SYT14: variants seen among roughly 807,000 people sequenced by gnomAD.
SYT14 encodes synaptotagmin-14.
A neutral mutation model predicts 74.2 loss-of-function variants in SYT14; 32 were observed. The observed-to-expected ratio is 0.43, with a 90% confidence interval of 0.33 to 0.58. The LOEUF (loss-of-function observed/expected upper bound fraction) is 0.58, where lower values mean the gene tolerates loss of function less well. Among genes scored for constraint, SYT14 ranks in the 20% least tolerant of loss-of-function variants. The pLI, the probability that SYT14 is intolerant of heterozygous loss-of-function variation, is 0.05. For missense variants in SYT14, 791 were observed against 981.8 expected (o/e 0.81, Z 2.60); for synonymous variants, 298 against 337.7 (o/e 0.88, Z 1.29).
chr1:210,031,590 A>G lies in SYT14; in HGVS notation c.1312+10336A>G, dbSNP rs898519924. 2.6e-5 allele frequency among the ~76,000 whole-genome samples: 4 copies of G among 152,318 alleles called. No individual in the cohort carries two copies. In the East Asian group the frequency reaches 7.7e-4, roughly 29 times the overall value. ...ATTGATGCAATTTTTAAATAGATAC[A>G]TACCTATTCAGGTCGTCTGTTTCTT... is the stretch of plus-strand genomic sequence containing the variant. On this transcript the variant is annotated intron_variant, in intron 5 of 9. Transcript: ENST00000637265.
intron 3 of SYT14, among the ~76,000 whole-genome samples, chr1:210,014,487 A>G (rs562792113): frequency 3.2e-4 from 49 of 151,734 alleles, no homozygotes; most frequent in African/African-American, 1.1e-3. Flanking sequence ...TATAAAAATG[A>G]TAGCAGAAAC....
At chr1:209,974,679 T>C (rs974071141) in intron 2 of SYT14, among the ~76,000 whole-genome samples, 2 of 152,074 alleles carry the variant, frequency 1.3e-5, no homozygotes, top group African/African-American at 4.8e-5. Context: ...GGCATAGGAT[T>C]GACTTGGCAA....
chr1:210,170,116 T>C (rs578139796), exon 10 of SYT14: 1 of 152,176 alleles, frequency 6.6e-6, no homozygotes, highest in Non-Finnish European at 1.5e-5. Flanking sequence ...ATCAAACAAC[T>C]GAAGAAATAC....
At chr1:209,992,604 G>A (rs2079712442) in intron 2 of SYT14, among the ~76,000 whole-genome samples, 1 of 152,050 alleles carries the variant, frequency 6.6e-6, no homozygotes, top group African/African-American at 2.4e-5. Context: ...TTCTGGTGAT[G>A]GCTACGCTAA....
At chr1:209,999,032 T>C (rs757125105) in intron 2 of SYT14, among the ~76,000 whole-genome samples, 9 of 151,962 alleles carry the variant, frequency 5.9e-5, no homozygotes, top group Non-Finnish European at 1.3e-4. Flanking sequence ...TATAAAGTAT[T>C]AGCAGGAACT....
At chr1:210,013,125 G>A (rs1470372407) in intron 2 of SYT14, among the ~76,000 whole-genome samples, 1 of 148,066 alleles carries the variant, frequency 6.8e-6, no homozygotes, top group Non-Finnish European at 1.5e-5. Flanking sequence ...TTGTTGCTCA[G>A]GCTGGCACAA....
chr1:210,171,248 A>G (rs1410263801), exon 10 of SYT14: 1 of 152,226 alleles, frequency 6.6e-6, no homozygotes, highest in East Asian at 1.9e-4. Flanking sequence ...ACTATTTTGC[A>G]TATGAAAAAG....
At chr1:210,123,198 GAT>G (rs549826363) in intron 7 of SYT14, among the ~76,000 whole-genome samples, 2 of 146,676 alleles carry the variant, frequency 1.4e-5, no homozygotes, top group South Asian at 4.5e-4. Flanking sequence ...CCACTGAAAT[GAT>G]AGTGTCATAG....
At chr1:210,123,566 C>A (rs1380479970) in intron 7 of SYT14, among the ~76,000 whole-genome samples, 1 of 152,176 alleles carries the variant, frequency 6.6e-6, no homozygotes, top group Admixed American at 6.5e-5. Flanking sequence ...CAGTAAATAG[C>A]ATAAGTTTCT....
intron 2 of SYT14, among the ~76,000 whole-genome samples, chr1:210,009,318 G>A (rs1411708496): frequency 5.3e-5 from 8 of 152,050 alleles, no homozygotes; most frequent in Non-Finnish European, 1.0e-4. Context: ...TGAAAAATAA[G>A]CCTGAAGATT....
intron 2 of SYT14, among the ~76,000 whole-genome samples, chr1:209,981,357 T>C (rs780043193): frequency 1.3e-4 from 20 of 152,254 alleles, no homozygotes; most frequent in Non-Finnish European, 2.6e-4. Context: ...GAAAAAGATT[T>C]TATTTTTTCT....
chr1:210,094,456 C>T lies in SYT14; in HGVS notation c.1447C>T (p.His483Tyr), dbSNP rs1472477163. 5.6e-6 allele frequency: 9 copies of T among 1,613,932 alleles called. No homozygotes were observed. The highest frequency in any genetic ancestry group is 7.6e-6 in the Non-Finnish European group (9 of 1,179,968). Residue 483 changes from histidine (H) to tyrosine (Y), a missense_variant, in exon 6 of 10, where the codon CAC becomes TAC. Physicochemically the swap from His to Tyr is moderately conservative, Grantham distance 83 (BLOSUM62 2). Coordinates refer to ENST00000637265, the Ensembl canonical transcript of SYT14. ...TGGGGACAGTAAATGTGAATTTTCCCACTGCAGCAACAGTCCAAGATGCTC... is the reference window on the plus strand; with the variant it reads ...TGGGGACAGTAAATGTGAATTTTCCTACTGCAGCAACAGTCCAAGATGCTC...
At chr1:209,999,756 T>C (rs2079860333) in intron 2 of SYT14, among the ~76,000 whole-genome samples, 1 of 152,054 alleles carries the variant, frequency 6.6e-6, no homozygotes, top group South Asian at 2.1e-4. Flanking sequence ...CAGAATGGTG[T>C]ATATGGTAAG....
chr1:210,097,683 AC>A (rs1331075735), intron 6 of SYT14, among the ~76,000 whole-genome samples: 1 of 152,232 alleles, frequency 6.6e-6, no homozygotes, highest in Non-Finnish European at 1.5e-5. Context: ...ATCTTTAATT[AC>A]CAATTATAAA....
At chr1:210,122,877 G>T (rs1415889708) in intron 7 of SYT14, among the ~76,000 whole-genome samples, 5 of 152,116 alleles carry the variant, frequency 3.3e-5, no homozygotes, top group African/African-American at 1.2e-4. Context: ...AAATAAATTT[G>T]TGCTTTTATA....
chr1:210,059,451 T>TATATATATATATATATATATATAG (rs377050610), intron 5 of SYT14, among the ~76,000 whole-genome samples: 2 of 69,892 alleles, frequency 2.9e-5, no homozygotes, highest in African/African-American at 7.9e-5. Context: ...TATATATATA[T>TATATATATATATATATATATATAG]AGAGAGAGAG....
intron 1 of SYT14, among the ~76,000 whole-genome samples, chr1:209,948,548 C>T (rs930327893): frequency 6.6e-6 from 1 of 152,310 alleles, no homozygotes; most frequent in African/African-American, 2.4e-5. Flanking sequence ...AAAAGCAATG[C>T]TAGTATTATC....
chr1:209,953,620 C>T (rs965561821), intron 2 of SYT14, among the ~76,000 whole-genome samples: 2 of 152,156 alleles, frequency 1.3e-5, no homozygotes, highest in African/African-American at 4.8e-5. Context: ...AAAATATCAG[C>T]ATGTTTTCAG....
rs145919370 is a variant in SYT14, at chr1:210,050,979, A to C, written c.1312+29725A>C. On this transcript the variant is annotated intron_variant, in intron 5 of 9. Coordinates refer to ENST00000637265, the Ensembl canonical transcript of SYT14. Reference sequence around the variant, plus strand: ...CCTTTTGTGAGGAAGGACATTTAGAAATGAAGATCTAGGTGTGCTTGTTAC... The same window carrying C: ...CCTTTTGTGAGGAAGGACATTTAGACATGAAGATCTAGGTGTGCTTGTTAC... Among the ~76,000 whole-genome samples, 156 of 152,308 alleles carry C rather than the reference A, an allele frequency of 1.0e-3. 1 individual carries two copies. The Middle Eastern group carries it at 0.027, about 27-fold the overall frequency.
Sources: allele counts gnomAD v4.1 joint callset (sites outside exome capture counted in the v4.1 genomes callset), GRCh38; gene constraint gnomAD v4.1.1; transcripts MANE v1.5; gene names NCBI Gene and HGNC (gene_info 2026-07-23, HGNC 2026-07-21).